The following TENM3 variants were observed in gnomAD, a reference collection of about 807,000 sequenced individuals.
TENM3 encodes the protein teneurin-3.
A neutral mutation model predicts 255.1 loss-of-function variants in TENM3; 63 were observed. The ratio of observed to expected loss-of-function variants is 0.25; its 90% CI spans 0.20 to 0.30. The LOEUF (loss-of-function observed/expected upper bound fraction) is 0.30. TENM3 is among the 10% of genes least tolerant of loss of function. The pLI is 1.00. For missense variants in TENM3, 2,929 were observed against 3,461.1 expected (o/e 0.85, Z 3.86); for synonymous variants, 1,306 against 1,322.3 (o/e 0.99, Z 0.27).
the TENM3 span, among the ~76,000 whole-genome samples, chr4:181,889,936 T>C: frequency 6.6e-6 from 1 of 152,230 alleles, no homozygotes; most frequent in Non-Finnish European, 1.5e-5. Flanking sequence ...AAAAATATAA[T>C]TTCTCCATGA....
chr4:182,401,513 C>A (rs1252081645), intron 3 of TENM3, among the ~76,000 whole-genome samples: 1 of 152,130 alleles, frequency 6.6e-6, no homozygotes, highest in Non-Finnish European at 1.5e-5. Context: ...AACTTTGTGC[C>A]AGATGTGTGG....
chr4:181,872,481 G>T, the TENM3 span, among the ~76,000 whole-genome samples: 1 of 151,938 alleles, frequency 6.6e-6, no homozygotes, highest in African/African-American at 2.4e-5. Context: ...TCCACCCTCT[G>T]CCTTCTGATA....
At chr4:182,278,195 T>C (rs942114951) in intron 1 of TENM3, among the ~76,000 whole-genome samples, 1 of 152,022 alleles carries the variant, frequency 6.6e-6, no homozygotes, top group Non-Finnish European at 1.5e-5. Flanking sequence ...GGAGGAACCC[T>C]GTCTCTACCA....
intron 13 of TENM3, among the ~76,000 whole-genome samples, chr4:182,714,470 C>T (rs1759003216): frequency 6.6e-6 from 1 of 152,170 alleles, no homozygotes; most frequent in Non-Finnish European, 1.5e-5. Context: ...CAAGCTACTG[C>T]ATAATGTCCA....
At chr4:182,365,290 G>A (rs1053234832) in intron 3 of TENM3, among the ~76,000 whole-genome samples, 4 of 152,234 alleles carry the variant, frequency 2.6e-5, no homozygotes, top group Non-Finnish European at 5.9e-5. Flanking sequence ...ACTGAAGGCA[G>A]AGATGGACTT....
chr4:181,681,292 C>T, the TENM3 span, among the ~76,000 whole-genome samples: 18 of 150,816 alleles, frequency 1.2e-4, no homozygotes, highest in Non-Finnish European at 1.8e-4. Context: ...AGTTTTTTTT[C>T]GTAGAAATAA....
chr4:181,752,101 T>C, the TENM3 span, among the ~76,000 whole-genome samples: 7 of 152,220 alleles, frequency 4.6e-5, no homozygotes, highest in Admixed American at 6.5e-5. Flanking sequence ...TCCTAATTTC[T>C]GTTTTATAAA....
chr4:182,530,554 G>A (rs879624081), intron 3 of TENM3, among the ~76,000 whole-genome samples: 1 of 152,098 alleles, frequency 6.6e-6, no homozygotes, highest in African/African-American at 2.4e-5. Flanking sequence ...TTATTGTGGG[G>A]CTGTGCTGTG....
the TENM3 span, among the ~76,000 whole-genome samples, chr4:181,466,091 G>A: frequency 2.0e-5 from 3 of 151,150 alleles, no homozygotes; most frequent in East Asian, 2.0e-4. Flanking sequence ...CTATGTGGAA[G>A]GAGCCTGAGT....
intron 3 of TENM3, among the ~76,000 whole-genome samples, chr4:182,382,964 G>A (rs4862057): frequency 0.71 from 107,559 of 151,956 alleles, 38,304 homozygotes; most frequent in Non-Finnish European, 0.75. Flanking sequence ...CCACCTACTC[G>A]TTGGTGTTGC....
At chr4:181,497,752 A>G in the TENM3 span, among the ~76,000 whole-genome samples, 1 of 152,212 alleles carries the variant, frequency 6.6e-6, no homozygotes, top group Non-Finnish European at 1.5e-5. Flanking sequence ...ATCAAACTTA[A>G]TAACCCCGCA....
chr4:182,526,345 C>T (rs886458263), intron 3 of TENM3, among the ~76,000 whole-genome samples: 3 of 152,050 alleles, frequency 2.0e-5, no homozygotes, highest in Non-Finnish European at 4.4e-5. Flanking sequence ...AAGTGCACCG[C>T]CCCTCTCACT....
chr4:181,454,275 C>T, the TENM3 span, among the ~76,000 whole-genome samples: 1 of 152,100 alleles, frequency 6.6e-6, no homozygotes, highest in Non-Finnish European at 1.5e-5. Flanking sequence ...CTGACTAGCA[C>T]ATTATCTTAA....
chr4:181,693,301 C>T, the TENM3 span, among the ~76,000 whole-genome samples: 3 of 152,190 alleles, frequency 2.0e-5, no homozygotes, highest in African/African-American at 4.8e-5. Context: ...ATATTCATTT[C>T]GCTATGACTC....
intron 3 of TENM3, among the ~76,000 whole-genome samples, chr4:182,589,263 T>A (rs7658235): frequency 0.2 from 30,492 of 151,968 alleles, 3,224 homozygotes; most frequent in Middle Eastern, 0.24. Context: ...TGGTACTATC[T>A]GAATGATTTT....
chr4:181,461,667 C>T, the TENM3 span, among the ~76,000 whole-genome samples: 114,816 of 151,942 alleles, frequency 0.76, 43,638 homozygotes, highest in African/African-American at 0.84. Flanking sequence ...CAGTTTGTTT[C>T]TCATTTCAGA....
chr4:182,014,192 A>G, the TENM3 span, among the ~76,000 whole-genome samples: 6 of 149,344 alleles, frequency 4.0e-5, no homozygotes, highest in African/African-American at 1.2e-4. Context: ...GTGTGTGTAT[A>G]TATATATATA....
the TENM3 span, among the ~76,000 whole-genome samples, chr4:181,639,645 C>T: frequency 6.6e-6 from 1 of 152,184 alleles, no homozygotes; most frequent in African/African-American, 2.4e-5. Flanking sequence ...GAGGCTGAGG[C>T]CGGAGAATCG....
the TENM3 span, among the ~76,000 whole-genome samples, chr4:181,460,678 C>CTTTTTTTTTT: frequency 2.9e-5 from 4 of 136,858 alleles, no homozygotes; most frequent in Non-Finnish European, 4.6e-5. Context: ...AGCTATAGTT[C>CTTTTTTTTTT]TTTTTTTTTT....
Sources: allele counts gnomAD v4.1 joint callset (sites outside exome capture counted in the v4.1 genomes callset), GRCh38; gene constraint gnomAD v4.1.1; transcripts MANE v1.5; gene names NCBI Gene and HGNC (gene_info 2026-07-23, HGNC 2026-07-21).